FLI1: variants seen among roughly 807,000 people sequenced by gnomAD.
The protein encoded by FLI1 is Fli-1 proto-oncogene, ETS transcription factor, also known as Friend leukemia integration 1 transcription factor.
Under a neutral mutation model 53.1 loss-of-function variants are expected in FLI1, and 13 were observed. The ratio of observed to expected loss-of-function variants is 0.24; its 90% CI spans 0.16 to 0.39. FLI1 has a LOEUF of 0.39. FLI1 is among the 10% of genes least tolerant of loss of function. FLI1 has a pLI of 1.00. For missense variants in FLI1, 424 were observed against 600.5 expected (o/e 0.71, Z 3.07); for synonymous variants, 244 against 236.7 (o/e 1.03, Z -0.28).
intron 2 of FLI1, among the ~76,000 whole-genome samples, chr11:128,766,623 G>C (rs928643048): frequency 6.6e-6 from 1 of 151,728 alleles, no homozygotes; most frequent in Non-Finnish European, 1.5e-5. Flanking sequence ...GCCCTGCCTG[G>C]GTCTCAGGAA....
At chr11:128,783,656 G>A (rs1170124989) in intron 5 of FLI1, among the ~76,000 whole-genome samples, 2 of 152,148 alleles carry the variant, frequency 1.3e-5, no homozygotes, top group African/African-American at 4.8e-5. Context: ...TGAAGGTCAG[G>A]GCACCTTTGG....
intron 2 of FLI1, 143 bp from the exon 3 acceptor site, chr11:128,767,975 G>GCAT (rs1941406879): frequency 1.8e-5 from 12 of 660,344 alleles, no homozygotes; most frequent in Non-Finnish European, 2.8e-5. Context: ...TAGAAAGAGG[G>GCAT]CATCATCATC....
At chr11:128,734,430 A>G (rs762899352) in intron 1 of FLI1, among the ~76,000 whole-genome samples, 3 of 152,240 alleles carry the variant, frequency 2.0e-5, no homozygotes, top group Admixed American at 6.5e-5. Context: ...GTGTACAAAT[A>G]TTGTATAGGA....
intron 1 of FLI1, among the ~76,000 whole-genome samples, chr11:128,751,550 G>A (rs1160000250): frequency 2.6e-5 from 4 of 150,950 alleles, no homozygotes; most frequent in African/African-American, 4.9e-5. Flanking sequence ...TTTTTGAGAC[G>A]GAGTCTCGCT....
At chr11:128,789,296 C>CT (rs1942193474) in intron 5 of FLI1, among the ~76,000 whole-genome samples, 1 of 152,122 alleles carries the variant, frequency 6.6e-6, no homozygotes, top group Non-Finnish European at 1.5e-5. Flanking sequence ...TGCACCATGG[C>CT]TTCCTGGTAC....
At chr11:128,742,403 T>C (rs2135777593) in intron 1 of FLI1, among the ~76,000 whole-genome samples, 1 of 152,338 alleles carries the variant, frequency 6.6e-6, no homozygotes, top group South Asian at 2.1e-4. Flanking sequence ...CAAATCTGTT[T>C]TATGGCCCCA....
intron 1 of FLI1, among the ~76,000 whole-genome samples, chr11:128,752,441 G>A (rs1007989926): frequency 3.9e-5 from 6 of 152,192 alleles, no homozygotes; most frequent in African/African-American, 9.7e-5. Context: ...TACTAGATGC[G>A]TAATGAGCAG....
chr11:128,699,940 G>C (rs1205180785), intron 1 of FLI1, among the ~76,000 whole-genome samples: 2 of 152,192 alleles, frequency 1.3e-5, no homozygotes, highest in Non-Finnish European at 2.9e-5. Flanking sequence ...TTGCATGTCT[G>C]TTAGGCAGGG....
At chr11:128,731,430 A>G (rs866190565) in intron 1 of FLI1, among the ~76,000 whole-genome samples, 5 of 152,098 alleles carry the variant, frequency 3.3e-5, no homozygotes, top group Non-Finnish European at 2.9e-5. Context: ...CTTTTGCACC[A>G]CAAAACAAGA....
chr11:128,777,352 A>C (rs944010566), intron 4 of FLI1, among the ~76,000 whole-genome samples: 4 of 151,888 alleles, frequency 2.6e-5, no homozygotes, highest in Admixed American at 6.5e-5. Flanking sequence ...AAAAAAAAAC[A>C]CTAAGAAACT....
At chr11:128,759,923 G>C (rs1228739139) in intron 2 of FLI1, among the ~76,000 whole-genome samples, 2 of 152,296 alleles carry the variant, frequency 1.3e-5, no homozygotes, top group East Asian at 3.9e-4. Flanking sequence ...GCATGGTTGG[G>C]AGGGAGAACT....
intron 1 of FLI1, among the ~76,000 whole-genome samples, chr11:128,751,060 C>T (rs564066611): frequency 2.0e-5 from 3 of 152,128 alleles, no homozygotes; most frequent in Non-Finnish European, 4.4e-5. Flanking sequence ...ACTCAGAAAC[C>T]AGAGACAGGC....
chr11:128,785,430 G>A (rs1565499250), intron 5 of FLI1, among the ~76,000 whole-genome samples: 1 of 151,454 alleles, frequency 6.6e-6, no homozygotes. Context: ...AGGGTACACA[G>A]CTACTAGATG....
chr11:128,690,835 G>C (rs560646123), upstream of FLI1, among the ~76,000 whole-genome samples: 33 of 152,266 alleles, frequency 2.2e-4, no homozygotes, highest in African/African-American at 7.9e-4. Flanking sequence ...CCTCTGACTT[G>C]AAAACCAGCC....
chr11:128,808,201 T>C (rs1323603197), intron 7 of FLI1, among the ~76,000 whole-genome samples: 1 of 152,228 alleles, frequency 6.6e-6, no homozygotes, highest in Non-Finnish European at 1.5e-5. Context: ...ATGATGTGGA[T>C]GAGAAAAGAT....
At chr11:128,787,318 A>G (rs1434356739) in intron 5 of FLI1, among the ~76,000 whole-genome samples, 2 of 152,212 alleles carry the variant, frequency 1.3e-5, no homozygotes, top group African/African-American at 2.4e-5. Flanking sequence ...ATAGATAATG[A>G]AAACAAGGCA....
chr11:128,734,572 A>T (rs867272963), intron 1 of FLI1, among the ~76,000 whole-genome samples: 3 of 152,204 alleles, frequency 2.0e-5, no homozygotes, highest in Non-Finnish European at 4.4e-5. Flanking sequence ...CGCTGCCTGC[A>T]CTGTGGTGTG....
At chr11:128,706,501 A>C (rs1938551263) in intron 1 of FLI1, among the ~76,000 whole-genome samples, 1 of 152,148 alleles carries the variant, frequency 6.6e-6, no homozygotes, top group Non-Finnish European at 1.5e-5. Flanking sequence ...CCCCCTCCCC[A>C]GTAGTCTCAA....
Position 128,808,690 on chromosome 11 carries a change from C to A in FLI1, c.782-467C>A, listed in dbSNP as rs1208977313. On this transcript the variant is annotated intron_variant, in intron 7 of 8. Coordinates refer to ENST00000527786, the MANE Select transcript of FLI1 (RefSeq NM_002017.5). ...CACATAGCTGCTGCTAAAACCCAGG[C>A]TGCTTGGTTTCTAGGCATGTGTTTT... 2.6e-5 allele frequency among the ~76,000 whole-genome samples: 4 copies of A among 151,824 alleles called. No individual in the cohort carries two copies. The East Asian group carries it at 7.7e-4, about 29-fold the overall frequency.
Sources: allele counts gnomAD v4.1 joint callset (sites outside exome capture counted in the v4.1 genomes callset), GRCh38; gene constraint gnomAD v4.1.1; transcripts MANE v1.5; gene names NCBI Gene and HGNC (gene_info 2026-07-23, HGNC 2026-07-21).